Variants in CNTN6 observed in about 807,000 individuals in gnomAD.
The protein encoded by CNTN6 is contactin-6.
A neutral mutation model predicts 122.8 loss-of-function variants in CNTN6; 137 were observed. That is an observed-to-expected ratio of 1.12 (90% confidence interval 0.97 to 1.29). The LOEUF (loss-of-function observed/expected upper bound fraction) is 1.29, where lower values mean the gene tolerates loss of function less well. Among genes scored for constraint, CNTN6 ranks in the 50% most tolerant of loss-of-function variants. The probability of loss-of-function intolerance (pLI) is 0.00; values close to 1 mark genes in which losing one functional copy is unlikely to be tolerated. For synonymous variants in CNTN6, 570 were observed against 426.0 expected, an observed-to-expected ratio of 1.34 and a Z score of -4.16; for missense variants, 1,634 against 1,223.4, an observed-to-expected ratio of 1.34 and a Z score of -5.01.
At chr3:1,315,170 G>A (rs1207944787) in intron 7 of CNTN6, among the ~76,000 whole-genome samples, 1 of 151,960 alleles carries the variant, frequency 6.6e-6, no homozygotes, top group Non-Finnish European at 1.5e-5. Flanking sequence ...CCCCTTCAAA[G>A]ATCCACCTTC....
At chr3:1,349,878 G>C (rs1705357929) in intron 11 of CNTN6, among the ~76,000 whole-genome samples, 1 of 151,548 alleles carries the variant, frequency 6.6e-6, no homozygotes, top group Admixed American at 6.6e-5. Context: ...TCAAATATCT[G>C]TACTGTTTGT....
chr3:1,262,079 A>G (rs1182848663), intron 4 of CNTN6, among the ~76,000 whole-genome samples: 2 of 152,166 alleles, frequency 1.3e-5, no homozygotes, highest in African/African-American at 4.8e-5. Context: ...ACTGAAGATG[A>G]TAATTACAGT....
chr3:1,239,297 A>G (rs2094454942), intron 4 of CNTN6, among the ~76,000 whole-genome samples: 2 of 152,224 alleles, frequency 1.3e-5, no homozygotes, highest in Non-Finnish European at 2.9e-5. Context: ...AATCTTCTGG[A>G]ACTGGTAAAT....
chr3:1,278,393 G>A lies in CNTN6; in HGVS notation c.359-20G>A. On this transcript the variant is annotated intron_variant, in intron 4 of 22. Transcript: ENST00000446702. ...CTGCAAAGTAACTAATTATAAATCTGCTTTTCTTTGTTTTCCAAGATATTG... is the reference window on the plus strand; with the variant it reads ...CTGCAAAGTAACTAATTATAAATCTACTTTTCTTTGTTTTCCAAGATATTG... 6.7e-7 allele frequency: 1 copy of A among 1,486,118 alleles called. No homozygotes were observed. Among genetic ancestry groups the A allele is most frequent in the East Asian group, 2.3e-5 (1 of 43,730 alleles). 92.1% of individuals were successfully genotyped at this position (1,486,118 alleles called of 1,614,324 possible). A position where few individuals can be genotyped will look rare whatever the true frequency, so the allele number is the denominator to read the frequency against.
At chr3:1,358,531 A>G (rs562883266) in intron 12 of CNTN6, among the ~76,000 whole-genome samples, 2 of 151,752 alleles carry the variant, frequency 1.3e-5, no homozygotes, top group African/African-American at 4.8e-5. Flanking sequence ...CTATGTTTTC[A>G]GTCTCTGGAT....
chr3:1,112,277 G>A (rs1329892120), intron 1 of CNTN6, among the ~76,000 whole-genome samples: 1 of 152,130 alleles, frequency 6.6e-6, no homozygotes, highest in Non-Finnish European at 1.5e-5. Context: ...TATGTGTATA[G>A]CTATTATGAC....
chr3:1,379,669 C>T (rs1472107310), intron 17 of CNTN6, among the ~76,000 whole-genome samples: 1 of 152,054 alleles, frequency 6.6e-6, no homozygotes, highest in African/African-American at 2.4e-5. Context: ...AAAGCCACTT[C>T]CTCTGTGTTT....
intron 1 of CNTN6, among the ~76,000 whole-genome samples, chr3:1,133,468 C>T (rs564893788): frequency 1.3e-5 from 2 of 152,140 alleles, no homozygotes; most frequent in African/African-American, 4.8e-5. Flanking sequence ...CATTATTAGC[C>T]CCATTTTACT....
chr3:1,144,784 A>G (rs2092689595), intron 1 of CNTN6, among the ~76,000 whole-genome samples: 1 of 152,012 alleles, frequency 6.6e-6, no homozygotes, highest in African/African-American at 2.4e-5. Context: ...GAATCACAGT[A>G]ACACTCAGAT....
At position 1,128,065 on chromosome 3, in the gene CNTN6, G is replaced by A. The variant is rs564883586; in HGVS notation, c.-82-19862G>A. ...AACTAGAATTACACAATTGGCTTCCGTTTTGCTACTTGAAGCTCCCACCTT... is the reference window on the plus strand; with the variant it reads ...AACTAGAATTACACAATTGGCTTCCATTTTGCTACTTGAAGCTCCCACCTT... On this transcript the variant is annotated intron_variant, in intron 1 of 22. Coordinates refer to ENST00000446702, the MANE Select transcript of CNTN6 (RefSeq NM_001289080.2). Among the ~76,000 whole-genome samples, 8 of 152,016 alleles carry A rather than the reference G, an allele frequency of 5.3e-5. No individual in the cohort carries two copies. In the South Asian group the frequency reaches 1.2e-3, roughly 24 times the overall value.
At chr3:1,170,407 G>T (rs775281025) in intron 2 of CNTN6, among the ~76,000 whole-genome samples, 4 of 152,096 alleles carry the variant, frequency 2.6e-5, no homozygotes, top group Non-Finnish European at 5.9e-5. Flanking sequence ...AAGACCCACA[G>T]TTAGTAGCAG....
At chr3:1,128,186 CATCTCCAAAT>C (rs1251696907) in intron 1 of CNTN6, 2 of 151,950 alleles carry the variant, frequency 1.3e-5, no homozygotes, top group Admixed American at 6.6e-5. Flanking sequence ...ATCTTTCTTC[CATCTCCAAAT>C]ATAATTTTGC....
At chr3:1,322,634 G>T (rs1306441952) in intron 8 of CNTN6, among the ~76,000 whole-genome samples, 1 of 151,058 alleles carries the variant, frequency 6.6e-6, no homozygotes, top group Non-Finnish European at 1.5e-5. Context: ...AAATATGTGT[G>T]TATGTGTGTG....
At chr3:1,327,412 C>T (rs1198323491) in intron 9 of CNTN6, 45 bp from the exon 10 acceptor site, 13 of 1,568,696 alleles carry the variant, frequency 8.3e-6, no homozygotes, top group African/African-American at 1.4e-5. Flanking sequence ...TAAGAGAATG[C>T]TATATTAACG....
chr3:1,104,442 G>C (rs985837630), intron 1 of CNTN6, among the ~76,000 whole-genome samples: 4 of 152,056 alleles, frequency 2.6e-5, no homozygotes, highest in Admixed American at 2.0e-4. Context: ...CCTAATCACA[G>C]ACCCAACTCT....
At chr3:1,338,558 C>T (rs565504705) in intron 11 of CNTN6, among the ~76,000 whole-genome samples, 6 of 152,228 alleles carry the variant, frequency 3.9e-5, no homozygotes, top group African/African-American at 1.2e-4. Context: ...AGCAGTTCAG[C>T]CATTCATTCT....
At chr3:1,387,061 C>G (rs1693113360) in intron 20 of CNTN6, among the ~76,000 whole-genome samples, 1 of 152,176 alleles carries the variant, frequency 6.6e-6, no homozygotes, top group Admixed American at 6.5e-5. Flanking sequence ...TGACTCACAA[C>G]TTGAAATAGG....
chr3:1,149,359 G>A (rs192236706), intron 2 of CNTN6, among the ~76,000 whole-genome samples: 3 of 152,166 alleles, frequency 2.0e-5, no homozygotes, highest in Non-Finnish European at 2.9e-5. Context: ...GAAGTTTCAC[G>A]TACTTATAAC....
At chr3:1,352,186 C>G (rs946754233) in intron 11 of CNTN6, 138 bp from the exon 12 acceptor site, 1 of 659,050 alleles carries the variant, frequency 1.5e-6, no homozygotes, top group Non-Finnish European at 2.3e-6. Flanking sequence ...CAATGAAGAA[C>G]AGAATAATAG....
Sources: allele counts gnomAD v4.1 joint callset (sites outside exome capture counted in the v4.1 genomes callset), GRCh38; gene constraint gnomAD v4.1.1; transcripts MANE v1.5; gene names NCBI Gene and HGNC (gene_info 2026-07-23, HGNC 2026-07-21).